The following NEMP1 variants were observed in gnomAD, a reference collection of about 807,000 sequenced individuals.
NEMP1 encodes the protein transmembrane protein 194.
NEMP1 carries 29 observed loss-of-function variants against 53.7 expected under a neutral mutation model. The observed-to-expected ratio is 0.54, with a 90% confidence interval of 0.40 to 0.74. The LOEUF (loss-of-function observed/expected upper bound fraction) is 0.74, where lower values mean the gene tolerates loss of function less well. Ranked by LOEUF, NEMP1 falls within the 30% of genes least tolerant of loss-of-function variation. The probability of loss-of-function intolerance (pLI) is 0.00; values close to 1 mark genes in which losing one functional copy is unlikely to be tolerated. For synonymous variants in NEMP1, 193 were observed against 192.9 expected, an observed-to-expected ratio of 1.00 and a Z score of 0.00; for missense variants, 477 against 528.6, an observed-to-expected ratio of 0.90 and a Z score of 0.96.
Position 57,060,801 on chromosome 12 carries a change from C to G in NEMP1, c.1125G>C (p.Lys375Asn). ...TTGGAGACTGGATTCGAGAAACAGT[C>G]TTCCAAGCAGAGCAGTCTGGACTGT... The part of the protein sequence containing the change: ...FCNSPDCSAW[K>N]TVSRIQSPKR... The change falls in exon 8 of 9, where the codon AAG becomes AAC. Residue 375 changes from lysine (K) to asparagine (N), a missense_variant. Coordinates refer to ENST00000300128, the MANE Select transcript of NEMP1 (RefSeq NM_001130963.2). 6.2e-7 allele frequency: 1 copy of G among 1,613,300 alleles called. No individual in the cohort carries two copies. Among genetic ancestry groups the G allele is most frequent in the Non-Finnish European group, 8.5e-7 (1 of 1,179,702 alleles).
upstream of NEMP1, among the ~76,000 whole-genome samples, chr12:57,081,679 G>A (rs1265461583): frequency 2.7e-5 from 4 of 150,676 alleles, no homozygotes; most frequent in Middle Eastern, 3.4e-3. Context: ...AGGCTGAGGC[G>A]GGCGGATCAT....
At chr12:57,073,887 T>A (rs1299834991) in intron 1 of NEMP1, among the ~76,000 whole-genome samples, 1 of 152,192 alleles carries the variant, frequency 6.6e-6, no homozygotes, top group African/African-American at 2.4e-5. Flanking sequence ...TATAAAGGAA[T>A]AAAGTAAGCT....
intron 2 of NEMP1, among the ~76,000 whole-genome samples, chr12:57,072,385 A>G (rs2032394891): frequency 6.6e-6 from 1 of 152,324 alleles, no homozygotes; most frequent in Admixed American, 6.5e-5. Context: ...GATTGCAGTG[A>G]GCCAAGATGG....
rs139335045 is a variant in NEMP1, at chr12:57,065,048, T to G, written c.546-309A>C. ...ATATATTCCTTAATTAAAAATACTT[T>G]GCTAAAACCTGCTAAAGATCATCTA... On this transcript the variant is annotated intron_variant, in intron 4 of 8. Transcript: ENST00000300128. 6.6e-5 allele frequency among the ~76,000 whole-genome samples: 10 copies of G among 152,366 alleles called. 1 individual carries two copies. The highest frequency in any genetic ancestry group is 2.4e-4 in the African/African-American group (10 of 41,580).
At chr12:57,079,287 G>A (rs1390474246), upstream of NEMP1, among the ~76,000 whole-genome samples, 1 of 152,138 alleles carries the variant, frequency 6.6e-6, no homozygotes, top group African/African-American at 2.4e-5. Context: ...ATTTAAAATA[G>A]AAGTCACAAA....
At chr12:57,065,954 C>A (rs910541562) in intron 4 of NEMP1, among the ~76,000 whole-genome samples, 10 of 151,888 alleles carry the variant, frequency 6.6e-5, no homozygotes, top group African/African-American at 1.9e-4. Context: ...CAGCCTTTAG[C>A]TTTAAAAAAG....
intron 3 of NEMP1, among the ~76,000 whole-genome samples, chr12:57,069,992 GA>G (rs1224248305): frequency 6.6e-6 from 1 of 151,994 alleles, no homozygotes; most frequent in African/African-American, 2.4e-5. Context: ...AGGACAAATG[GA>G]AGGGCACAAC....
chr12:57,082,824 C>T (rs142837309), upstream of NEMP1, among the ~76,000 whole-genome samples: 22 of 149,356 alleles, frequency 1.5e-4, no homozygotes, highest in African/African-American at 4.9e-4. Flanking sequence ...CCAGCCTGGG[C>T]AACATAGTGA....
At chr12:57,066,311 G>A (rs555913632) in intron 4 of NEMP1, among the ~76,000 whole-genome samples, 57 of 152,268 alleles carry the variant, frequency 3.7e-4, no homozygotes, top group African/African-American at 1.3e-3. Context: ...CTTCTCAACA[G>A]CCAACTAAAA....
At chr12:57,064,775 T>A in intron 4 of NEMP1, 36 bp from the exon 5 acceptor site, 1 of 1,494,812 alleles carries the variant, frequency 6.7e-7, no homozygotes, top group Non-Finnish European at 9.3e-7. Flanking sequence ...ACCATATGTA[T>A]ATATTTCATA....
chr12:57,068,357 T>A (rs2032193761), intron 4 of NEMP1, among the ~76,000 whole-genome samples: 2 of 152,010 alleles, frequency 1.3e-5, no homozygotes, highest in Non-Finnish European at 2.9e-5. Context: ...CACTTGATTT[T>A]TTTTTTTTTT....
At chr12:57,069,182 A>G in intron 4 of NEMP1, 52 bp downstream of exon 4, 2 of 1,290,326 alleles carry the variant, frequency 1.5e-6, no homozygotes, top group South Asian at 1.5e-5. Context: ...TATAAAACGC[A>G]GGCAGGATAG....
rs1350688095 is a variant in NEMP1, at chr12:57,063,122, C to A, written c.977G>T (p.Cys326Phe). 1 of 1,610,280 alleles carries A rather than the reference C, an allele frequency of 6.2e-7. No individual in the cohort carries two copies. The highest frequency in any genetic ancestry group is 1.3e-5 in the African/African-American group (1 of 74,820). ...EHPIQWLYITCRKVCKGAEKP... is the reference protein window; with the variant it reads ...EHPIQWLYITFRKVCKGAEKP... ...AGTTACATTGCCTTTCAGTCACCTGCAGGTGATGTACAGCCACTGAATAGG... is the reference window on the plus strand; with the variant it reads ...AGTTACATTGCCTTTCAGTCACCTGAAGGTGATGTACAGCCACTGAATAGG... The change falls in exon 7 of 9, where the codon TGC (cysteine) becomes TTC (phenylalanine). Residue 326 changes from cysteine to phenylalanine, a missense_variant. Physicochemically the swap from Cys to Phe is radical, Grantham distance 205. Transcript: ENST00000300128.
intron 2 of NEMP1, 62 bp from the exon 3 acceptor site, chr12:57,070,955 T>C: frequency 1.4e-6 from 2 of 1,416,412 alleles, no homozygotes; most frequent in Non-Finnish European, 1.9e-6. Context: ...TTTTCACAAA[T>C]ACAATTTTTT....
chr12:57,071,904 A>G (rs1206189550), intron 2 of NEMP1, among the ~76,000 whole-genome samples: 1 of 152,182 alleles, frequency 6.6e-6, no homozygotes, highest in African/African-American at 2.4e-5. Context: ...AACTATGCTT[A>G]TAACAACTAC....
intron 4 of NEMP1, among the ~76,000 whole-genome samples, chr12:57,066,274 CAA>C (rs2032072551): frequency 1.3e-5 from 2 of 151,936 alleles, no homozygotes; most frequent in Non-Finnish European, 2.9e-5. Context: ...AACAAACAAA[CAA>C]AAAAAGAGTT....
intron 2 of NEMP1, among the ~76,000 whole-genome samples, 165 bp from the exon 3 acceptor site, chr12:57,071,058 T>C (rs2032322404): frequency 6.6e-6 from 1 of 152,176 alleles, no homozygotes; most frequent in African/African-American, 2.4e-5. Flanking sequence ...TAAAACATAA[T>C]TGGGCAAATA....
upstream of NEMP1, among the ~76,000 whole-genome samples, chr12:57,080,044 C>G (rs2032797789): frequency 6.6e-6 from 1 of 152,156 alleles, no homozygotes; most frequent in Non-Finnish European, 1.5e-5. Flanking sequence ...ACTGCAGCCT[C>G]GAACTCCCAG....
chr12:57,060,187 C>T, intron 8 of NEMP1, 128 bp from the exon 9 acceptor site: 1 of 827,026 alleles, frequency 1.2e-6, no homozygotes, highest in Non-Finnish European at 1.9e-6. Flanking sequence ...AGCCAACATC[C>T]TTGTCCTTAC....
Sources: gnomAD v4.1 joint callset for allele counts (sites outside exome capture counted in the v4.1 genomes callset) on GRCh38, gnomAD v4.1.1 for gene constraint, MANE v1.5 for transcripts, NCBI Gene and HGNC (gene_info 2026-07-23, HGNC 2026-07-21) for gene names.